Variants in SPTBN2 observed in about 807,000 individuals in gnomAD.
SPTBN2 encodes spectrin beta chain, non-erythrocytic 2.
Under a neutral mutation model 284.2 loss-of-function variants are expected in SPTBN2, and 107 were observed. That is an observed-to-expected ratio of 0.38 (90% confidence interval 0.32 to 0.44). The LOEUF (loss-of-function observed/expected upper bound fraction) is 0.44. Ranked by LOEUF, SPTBN2 falls within the 20% of genes least tolerant of loss-of-function variation. The pLI, the probability that SPTBN2 is intolerant of heterozygous loss-of-function variation, is 1.00. For synonymous variants in SPTBN2, 1,289 were observed against 1,354.8 expected, an observed-to-expected ratio of 0.95 and a Z score of 1.07; for missense variants, 2,569 against 3,287.1, an observed-to-expected ratio of 0.78 and a Z score of 5.34.
Position 66,704,712 on chromosome 11 carries a change from T to C in SPTBN2, c.2564A>G (p.Tyr855Cys). The C allele has an allele frequency of 6.2e-7, 1 of 1,606,456 alleles. No individual in the cohort carries two copies. Among genetic ancestry groups the C allele is most frequent in the Non-Finnish European group, 8.5e-7 (1 of 1,177,134 alleles). The part of the protein sequence containing the change: ...ARALEAALAL[Y>C]TMLSEAGACG... ...GGCCCCGGCCTCGCTGAGCATGGTG[T>C]AGAGCGCCAGGGCTGCCTCCAAGGC... The change falls in exon 15 of 38, where the codon TAC becomes TGC. Residue 855 changes from tyrosine to cysteine, a missense_variant. By Grantham distance (194) the Tyr-to-Cys change is radical. This residue lies in a region of SPTBN2 where 1,012 missense variants were observed against 1,248.9 expected (regional missense o/e 0.81). Transcript: ENST00000533211.
chr11:66,700,919 C>A lies in SPTBN2; in HGVS notation c.3180G>T (p.Ser1060=), dbSNP rs112972498. The A allele has an allele frequency of 6.2e-7, 1 of 1,601,974 alleles. No individual in the cohort carries two copies. The highest frequency in any genetic ancestry group is 1.1e-5 in the South Asian group (1 of 91,084). ...CCTGCAGCCGCCGCGCCTCCCCCAGCGACTCTTCTCGACGCCGCATGGTGG... is the reference window on the plus strand; with the variant it reads ...CCTGCAGCCGCCGCGCCTCCCCCAGAGACTCTTCTCGACGCCGCATGGTGG... ...LRATMRRREE[S]LGEARRLQDF... Residue 1060 remains serine (S), a synonymous_variant, in exon 17 of 38, where the codon TCG becomes TCT. Coordinates refer to ENST00000533211, the MANE Select transcript of SPTBN2 (RefSeq NM_006946.4). This position sits in a 1 kb window ranked among gnomAD's most constrained non-coding sequence, Gnocchi z 6.6.
intron 20 of SPTBN2, 67 bp from the exon 21 acceptor site, chr11:66,696,607 C>T (rs1940930463): frequency 6.3e-6 from 10 of 1,598,988 alleles, no homozygotes; most frequent in Non-Finnish European, 6.8e-6. Context: ...TGAGAGCAGA[C>T]CAGGGGCCTT....
chr11:66,710,302 T>G lies in SPTBN2; in HGVS notation c.1073+280A>C, dbSNP rs1941785028. On this transcript the variant is annotated intron_variant, in intron 10 of 37. Coordinates refer to ENST00000533211, the MANE Select transcript of SPTBN2 (RefSeq NM_006946.4). The surrounding 1 kb of genome is among the most constrained non-coding windows in gnomAD (Gnocchi z 4.9). ...TCAGTAGAGATGGGGTTTCACCATG[T>G]TGGCCAGACTGGTCTCGGTGATGCG... Among the ~76,000 whole-genome samples the G allele has an allele frequency of 6.6e-6, 1 of 152,146 alleles. No individual in the cohort carries two copies. Among genetic ancestry groups the G allele is most frequent in the African/African-American group, 2.4e-5 (1 of 41,444 alleles).
At chr11:66,716,874 A>G (rs981448753) in intron 3 of SPTBN2, among the ~76,000 whole-genome samples, 1 of 152,150 alleles carries the variant, frequency 6.6e-6, no homozygotes, top group Non-Finnish European at 1.5e-5. Context: ...GGTGTGGGCT[A>G]AAATTATTGC....
intron 8 of SPTBN2, 65 bp downstream of exon 8, chr11:66,713,566 G>T (rs1303545872): frequency 7.6e-7 from 1 of 1,321,244 alleles, no homozygotes; most frequent in Non-Finnish European, 1.1e-6. Context: ...CGCAGCCCCT[G>T]GCAACCACTG....
At chr11:66,733,667 GA>G (rs1161056241), upstream of SPTBN2, among the ~76,000 whole-genome samples, 1 of 152,158 alleles carries the variant, frequency 6.6e-6, no homozygotes, top group Non-Finnish European at 1.5e-5. Flanking sequence ...CATCAGTGTA[GA>G]AATAGATGGT....
rs769067679 is a variant in SPTBN2, at chr11:66,690,262, C to A, written c.5587G>T (p.Gly1863Cys). The part of the protein sequence containing the change: ...SPQVQQVQDD[G>C]HRLQKAYAGD... ...GCGTAGGCCTTCTGGAGCCGGTGGC[C>A]GTCGTCCTGCACCTGCTGGACCTGC... is the stretch of plus-strand genomic sequence containing the variant. Residue 1863 changes from glycine (G) to cysteine (C), a missense_variant, in exon 28 of 38, where the codon GGC becomes TGC. Physicochemically the swap from Gly to Cys is radical, Grantham distance 159. Coordinates refer to ENST00000533211, the MANE Select transcript of SPTBN2 (RefSeq NM_006946.4). 1 of 1,610,756 alleles carries A rather than the reference C, an allele frequency of 6.2e-7. No individual in the cohort carries two copies. Among genetic ancestry groups the A allele is most frequent in the Non-Finnish European group, 8.5e-7 (1 of 1,178,746 alleles).
At chr11:66,720,164 A>G (rs1590979354) in intron 3 of SPTBN2, among the ~76,000 whole-genome samples, 1 of 150,998 alleles carries the variant, frequency 6.6e-6, no homozygotes, top group Admixed American at 6.6e-5. Flanking sequence ...AGGTTTGGGA[A>G]CCTCCCCCTT....
chr11:66,735,344 G>GA (rs558290439), intron 1 of SPTBN2, among the ~76,000 whole-genome samples: 222 of 144,118 alleles, frequency 1.5e-3, no homozygotes, highest in East Asian at 0.014. Flanking sequence ...AAAAAAAAAA[G>GA]AAAAAAAAAA....
At position 66,687,399 on chromosome 11, in the gene SPTBN2, CTG is replaced by C; in HGVS notation, c.6722+26_6722+27del. 6.2e-7 allele frequency: 1 copy of C among 1,601,764 alleles called. No individual in the cohort carries two copies. The highest frequency in any genetic ancestry group is 1.1e-5 in the South Asian group (1 of 91,074). On this transcript the variant is annotated intron_variant, in intron 35 of 37. Coordinates refer to ENST00000533211, the MANE Select transcript of SPTBN2 (RefSeq NM_006946.4). This position sits in a 1 kb window ranked among gnomAD's most constrained non-coding sequence, Gnocchi z 5.2. ...GGCAGAGGCTCTGGGGAAGTGCCCT[CTG>C]AGAGCAGGCTCCAGAGAGGCTGTAC...
intron 1 of SPTBN2, among the ~76,000 whole-genome samples, chr11:66,741,153 C>T (rs956751368): frequency 4.6e-5 from 7 of 152,180 alleles, no homozygotes; most frequent in Non-Finnish European, 8.8e-5. Context: ...ATCCAAATCT[C>T]ATCTTGAAGT....
upstream of SPTBN2, among the ~76,000 whole-genome samples, chr11:66,731,541 T>C (rs1942814499): frequency 6.6e-6 from 1 of 152,230 alleles, no homozygotes; most frequent in Non-Finnish European, 1.5e-5. Flanking sequence ...TCTTTTCACC[T>C]AAGATGGATT....
At chr11:66,703,866 CTCTG>C (rs936766134) in intron 15 of SPTBN2, among the ~76,000 whole-genome samples, 1 of 152,108 alleles carries the variant, frequency 6.6e-6, no homozygotes, top group African/African-American at 2.4e-5. Context: ...ATTTTAGTGT[CTCTG>C]TCTAAAAGGT....
At chr11:66,740,254 A>G (rs1942886859) in intron 1 of SPTBN2, among the ~76,000 whole-genome samples, 1 of 152,188 alleles carries the variant, frequency 6.6e-6, no homozygotes. Flanking sequence ...AAGGAGAGGA[A>G]GAAAACAGGG....
At chr11:66,696,152 G>A (rs903801212) in intron 21 of SPTBN2, 125 bp downstream of exon 21, 2 of 1,296,274 alleles carry the variant, frequency 1.5e-6, no homozygotes, top group Non-Finnish European at 2.2e-6. Context: ...GCTGCCCAAA[G>A]AAATGACTCT....
intron 1 of SPTBN2, among the ~76,000 whole-genome samples, chr11:66,727,002 A>C (rs1942641165): frequency 6.6e-6 from 1 of 152,196 alleles, no homozygotes; most frequent in Non-Finnish European, 1.5e-5. Flanking sequence ...GAAGTTAGGA[A>C]CTGGGCTGAA....
chr11:66,691,398 C>T lies in SPTBN2; in HGVS notation c.5451G>A (p.Val1817=). Residue 1817 remains valine, a synonymous_variant, in exon 27 of 38, where the codon GTG becomes GTA. Coordinates refer to ENST00000533211, the MANE Select transcript of SPTBN2 (RefSeq NM_006946.4). This position sits in a 1 kb window ranked among gnomAD's most constrained non-coding sequence, Gnocchi z 8.0. ...CCGGAAGCTGCTGCTGCTTGTGCTGCACCCGCGCCAGGGCTTGGCGTGCCC... is the reference window on the plus strand; with the variant it reads ...CCGGAAGCTGCTGCTGCTTGTGCTGTACCCGCGCCAGGGCTTGGCGTGCCC... ...LHGARQALAR[V]QHKQQQLPDG... is the part of the protein sequence containing the mutation. 2.5e-6 allele frequency: 4 copies of T among 1,608,728 alleles called. No individual in the cohort carries two copies. Among genetic ancestry groups the T allele is most frequent in the Non-Finnish European group, 2.5e-6 (3 of 1,176,636 alleles).
chr11:66,684,293 G>C lies in SPTBN2; in HGVS notation c.*1578C>G, dbSNP rs916503269. ...CCTGAAAGCTCCGATTGCCAAACCAGAGACAAAGGAGAAGCCACCCGCTCC... is the reference window on the plus strand; with the variant it reads ...CCTGAAAGCTCCGATTGCCAAACCACAGACAAAGGAGAAGCCACCCGCTCC... On this transcript the variant is annotated 3_prime_UTR_variant, in exon 38 of 38. Transcript: ENST00000533211. Among the ~76,000 whole-genome samples the C allele has an allele frequency of 6.6e-6, 1 of 152,192 alleles. No homozygotes were observed. Among genetic ancestry groups the C allele is most frequent in the Non-Finnish European group, 1.5e-5 (1 of 68,048 alleles).
In SPTBN2 at chr11:66,688,638, T is replaced by C; in HGVS notation, c.6231+15A>G. ...AGCAGGTTGGAGTGGGCATCCGGGG[T>C]CCTGTGTCCCTCACCGCAGTAAGCT... On this transcript the variant is annotated intron_variant, in intron 31 of 37. Transcript: ENST00000533211. 1 of 1,613,280 alleles carries C rather than the reference T, an allele frequency of 6.2e-7. No individual in the cohort carries two copies. The highest frequency in any genetic ancestry group is 8.5e-7 in the Non-Finnish European group (1 of 1,179,876).
Sources: gnomAD v4.1 joint callset for allele counts (sites outside exome capture counted in the v4.1 genomes callset) on GRCh38, gnomAD v4.1.1 for gene constraint, gnomAD v4.1.1 regional missense constraint, Gnocchi (gnomAD v3.1) non-coding constraint, MANE v1.5 for transcripts, NCBI Gene and HGNC (gene_info 2026-07-23, HGNC 2026-07-21) for gene names.